ACTA2: variants seen among roughly 807,000 people sequenced by gnomAD.
The protein encoded by ACTA2 is actin alpha 2, smooth muscle.
Under a neutral mutation model 39.5 loss-of-function variants are expected in ACTA2, and 12 were observed. The ratio of observed to expected loss-of-function variants is 0.30; its 90% CI spans 0.19 to 0.49. The LOEUF (loss-of-function observed/expected upper bound fraction) is 0.49, where lower values mean the gene tolerates loss of function less well. Among genes scored for constraint, ACTA2 ranks in the 20% least tolerant of loss-of-function variants. The probability of loss-of-function intolerance (pLI) is 0.99; values close to 1 mark genes in which losing one functional copy is unlikely to be tolerated. For synonymous variants in ACTA2, 158 were observed against 180.6 expected (o/e 0.88, Z 1.00); for missense variants, 236 against 498.8 (o/e 0.47, Z 5.02).
chr10:88,948,653 A>G, intron 2 of ACTA2, 149 bp downstream of exon 2: 1 of 1,063,280 alleles, frequency 9.4e-7, no homozygotes, highest in Non-Finnish European at 1.4e-6. Context: ...TGAAATTGGC[A>G]TTTACTCCTG....
chr10:88,971,297 C>T (rs1846441188), intron 1 of ACTA2, among the ~76,000 whole-genome samples: 1 of 152,192 alleles, frequency 6.6e-6, no homozygotes, highest in African/African-American at 2.4e-5. Context: ...AAAGAGTTAA[C>T]TTGATAAAAT....
chr10:88,978,406 T>A (rs929800844), intron 1 of ACTA2, among the ~76,000 whole-genome samples: 27 of 148,460 alleles, frequency 1.8e-4, no homozygotes, highest in Non-Finnish European at 3.8e-4. Flanking sequence ...TAATAAAAAA[T>A]AAATAAATAA....
Position 88,976,420 on chromosome 10 carries a change from G to C in ACTA2, c.-24+14519C>G, listed in dbSNP as rs1477329887. Among the ~76,000 whole-genome samples, 2 of 152,180 alleles carry C rather than the reference G, an allele frequency of 1.3e-5. 1 individual carries two copies. Among genetic ancestry groups the C allele is most frequent in the South Asian group, 4.1e-4 (2 of 4,834 alleles). Reference sequence around the variant, plus strand: ...TTAGTCTCTAACAAAAGGATTGATAGGCCAAGGAAAATATATTGGTTCATT... The same window carrying C: ...TTAGTCTCTAACAAAAGGATTGATACGCCAAGGAAAATATATTGGTTCATT... On this transcript the variant is annotated intron_variant, in intron 1 of 4. Transcript: ENST00000415557.
intron 1 of ACTA2, among the ~76,000 whole-genome samples, chr10:88,968,570 A>G (rs1846364868): frequency 6.6e-6 from 1 of 152,174 alleles, no homozygotes; most frequent in Admixed American, 6.5e-5. Flanking sequence ...GGTAGAGAGG[A>G]AGAGAAAATT....
intron 1 of ACTA2, among the ~76,000 whole-genome samples, chr10:88,976,668 C>G (rs1350553893): frequency 6.6e-6 from 1 of 151,976 alleles, no homozygotes; most frequent in Non-Finnish European, 1.5e-5. Flanking sequence ...AAATACACAC[C>G]AACTATTGAG....
intron 2 of ACTA2, 187 bp downstream of exon 2, chr10:88,948,615 C>A: frequency 1.4e-6 from 1 of 713,036 alleles, no homozygotes; most frequent in South Asian, 1.7e-5. Context: ...TGATAGATGC[C>A]CATCAGATAA....
At chr10:88,977,597 C>G (rs1182298489) in intron 1 of ACTA2, among the ~76,000 whole-genome samples, 2 of 150,736 alleles carry the variant, frequency 1.3e-5, no homozygotes, top group African/African-American at 2.4e-5. Flanking sequence ...AGGACATGAA[C>G]AGACACTTCT....
At chr10:88,989,099 CT>C (rs1271449161) in intron 1 of ACTA2, among the ~76,000 whole-genome samples, 1 of 152,086 alleles carries the variant, frequency 6.6e-6, no homozygotes, top group African/African-American at 2.4e-5. Flanking sequence ...GTTGCTTAAG[CT>C]TTTTTGGCTA....
intron 7 of ACTA2, among the ~76,000 whole-genome samples, chr10:88,938,694 T>G (rs1845791917): frequency 6.7e-6 from 1 of 148,866 alleles, no homozygotes; most frequent in African/African-American, 2.5e-5. Context: ...TTTTTTATCC[T>G]GTTGGAAAAG....
At position 88,947,428 on chromosome 10, in the gene ACTA2, C is replaced by A. The variant is rs754084788; in HGVS notation, c.130-42G>T. ...CATTATGAGTCAGCATCTCCCAAAA[C>A]TTGTGAATCAATTACAGCCAAGCCA... is the stretch of plus-strand genomic sequence containing the variant. On this transcript the variant is annotated intron_variant, in intron 2 of 8. Coordinates refer to ENST00000224784, the MANE Select transcript of ACTA2 (RefSeq NM_001613.4). The A allele has an allele frequency of 4.3e-6, 7 of 1,612,264 alleles. No individual in the cohort carries two copies. In the African/African-American group the frequency reaches 8.0e-5, roughly 18 times the overall value.
At chr10:88,967,190 G>A (rs749939095) in intron 1 of ACTA2, among the ~76,000 whole-genome samples, 23 of 152,134 alleles carry the variant, frequency 1.5e-4, no homozygotes, top group Non-Finnish European at 2.6e-4. Flanking sequence ...ACCCTATAGG[G>A]TAATTTTATA....
chr10:88,944,615 G>A (rs532241776), intron 3 of ACTA2, among the ~76,000 whole-genome samples: 85 of 152,132 alleles, frequency 5.6e-4, no homozygotes, highest in Non-Finnish European at 1.0e-3. Flanking sequence ...CTTTGCTCTC[G>A]AGGGATGAGA....
chr10:88,948,032 C>T (rs1025901694), intron 2 of ACTA2, among the ~76,000 whole-genome samples: 3 of 152,152 alleles, frequency 2.0e-5, no homozygotes, highest in Non-Finnish European at 2.9e-5. Context: ...TTAAATTGCA[C>T]TGCAGTGACT....
chr10:88,975,370 G>A (rs1280782990), intron 1 of ACTA2, among the ~76,000 whole-genome samples: 1 of 152,152 alleles, frequency 6.6e-6, no homozygotes, highest in South Asian at 2.1e-4. Flanking sequence ...AGTTGAGAAG[G>A]ACAATAGTAC....
intron 1 of ACTA2, among the ~76,000 whole-genome samples, chr10:88,960,994 G>T (rs987672619): frequency 8.5e-5 from 13 of 152,160 alleles, no homozygotes; most frequent in Non-Finnish European, 1.8e-4. Flanking sequence ...TAATCAAGGA[G>T]TGTGTGTGTT....
chr10:88,956,378 C>T (rs1373072908), upstream of ACTA2, among the ~76,000 whole-genome samples: 1 of 152,208 alleles, frequency 6.6e-6, no homozygotes, highest in Non-Finnish European at 1.5e-5. Context: ...TCAAAGCCTG[C>T]AGCAGAGCAT....
In ACTA2 at chr10:88,990,669, C is replaced by T. The variant is rs1192530320; in HGVS notation, c.-24+270G>A. On this transcript the variant is annotated intron_variant, in intron 1 of 4. Transcript: ENST00000415557. The surrounding 1 kb of genome is among the most constrained non-coding windows in gnomAD (Gnocchi z 4.9). Reference sequence around the variant, plus strand: ...TCTCTGATCTCGCGCAAGAGTGACACACAGGTGTTCAAAGACGCTTCTGGG... The same window carrying T: ...TCTCTGATCTCGCGCAAGAGTGACATACAGGTGTTCAAAGACGCTTCTGGG... 4.3e-6 allele frequency: 3 copies of T among 703,148 alleles called. No homozygotes were observed. The highest frequency in any genetic ancestry group is 7.7e-6 in the Non-Finnish European group (3 of 387,468). The allele number at this position is 703,148 out of a possible 1,614,324, so 43.6% of individuals were successfully genotyped here.
intron 1 of ACTA2, among the ~76,000 whole-genome samples, chr10:88,951,894 A>C (rs148363787): frequency 1.3e-5 from 2 of 152,198 alleles, no homozygotes; most frequent in Non-Finnish European, 1.5e-5. Context: ...AAGCTGCCAA[A>C]CCTTGATTTG....
At chr10:88,956,016 G>A (rs926802534), upstream of ACTA2, among the ~76,000 whole-genome samples, 4 of 152,166 alleles carry the variant, frequency 2.6e-5, no homozygotes, top group African/African-American at 9.7e-5. Context: ...GGCCCATGGT[G>A]AGCACGATGT....
Sources: gnomAD v4.1 joint callset for allele counts (sites outside exome capture counted in the v4.1 genomes callset) on GRCh38, gnomAD v4.1.1 for gene constraint, Gnocchi (gnomAD v3.1) non-coding constraint, MANE v1.5 for transcripts, NCBI Gene and HGNC (gene_info 2026-07-23, HGNC 2026-07-21) for gene names.